The following APBB1IP variants were observed in gnomAD, a reference collection of about 807,000 sequenced individuals.
APBB1IP encodes the protein amyloid beta A4 precursor protein-binding family B member 1-interacting protein.
APBB1IP carries 27 observed loss-of-function variants against 64.9 expected under a neutral mutation model. The observed-to-expected ratio is 0.42, with a 90% CI of 0.31 to 0.57. The LOEUF (loss-of-function observed/expected upper bound fraction) is 0.57. Ranked by LOEUF, APBB1IP falls within the 20% of genes least tolerant of loss-of-function variation. The probability of loss-of-function intolerance (pLI) is 0.20; values close to 1 mark genes in which losing one functional copy is unlikely to be tolerated. For missense variants in APBB1IP, 812 were observed against 845.5 expected, an observed-to-expected ratio of 0.96 and a Z score of 0.49; for synonymous variants, 392 against 331.0, an observed-to-expected ratio of 1.18 and a Z score of -2.00.
At chr10:26,476,232 T>C (rs929178279) in intron 2 of APBB1IP, among the ~76,000 whole-genome samples, 2 of 151,848 alleles carry the variant, frequency 1.3e-5, no homozygotes, top group Non-Finnish European at 2.9e-5. Context: ...CTAATTTTTA[T>C]ATTTTTGGTA....
intron 11 of APBB1IP, among the ~76,000 whole-genome samples, chr10:26,547,175 T>G (rs1242592627): frequency 6.6e-6 from 1 of 152,242 alleles, no homozygotes; most frequent in Non-Finnish European, 1.5e-5. Flanking sequence ...TAAATTCCTA[T>G]TGGCCCTGTG....
intron 11 of APBB1IP, among the ~76,000 whole-genome samples, chr10:26,549,478 G>A (rs562673900): frequency 4.6e-5 from 7 of 152,130 alleles, no homozygotes; most frequent in Admixed American, 2.0e-4. Context: ...TTTTATTACA[G>A]CTTCAATTTC....
intron 2 of APBB1IP, among the ~76,000 whole-genome samples, chr10:26,439,761 G>GC (rs1835320268): frequency 6.6e-6 from 1 of 152,200 alleles, no homozygotes; most frequent in Admixed American, 6.5e-5. Flanking sequence ...AGTTTATTAT[G>GC]CCCCCAGATG....
intron 4 of APBB1IP, among the ~76,000 whole-genome samples, chr10:26,497,989 A>C (rs1564361303): frequency 6.6e-6 from 1 of 152,076 alleles, no homozygotes; most frequent in Non-Finnish European, 1.5e-5. Flanking sequence ...AGCCTCCCAA[A>C]GTGCTGGAAT....
chr10:26,534,822 A>G (rs1478187893), intron 9 of APBB1IP, among the ~76,000 whole-genome samples: 1 of 152,190 alleles, frequency 6.6e-6, no homozygotes, highest in African/African-American at 2.4e-5. Context: ...GTAAAAGAAA[A>G]TTCAAAGCAT....
At chr10:26,561,388 CTTTTTTT>C (rs34667769) in intron 13 of APBB1IP, among the ~76,000 whole-genome samples, 160 of 122,516 alleles carry the variant, frequency 1.3e-3, no homozygotes, top group Admixed American at 3.3e-3. Context: ...TTCTTCTTTG[CTTTTTTT>C]TTTTTTTTTT....
intron 2 of APBB1IP, among the ~76,000 whole-genome samples, chr10:26,470,731 T>C (rs941900699): frequency 6.6e-6 from 1 of 152,164 alleles, no homozygotes; most frequent in Non-Finnish European, 1.5e-5. Context: ...CCATTGTAAG[T>C]TGAGGAGCAT....
At chr10:26,513,450 C>T (rs559629130) in intron 7 of APBB1IP, 89 bp from the exon 8 acceptor site, 1 of 1,458,074 alleles carries the variant, frequency 6.9e-7, no homozygotes, top group African/African-American at 1.4e-5. Context: ...TGATGAAAGT[C>T]ATGAAGCATT....
At chr10:26,500,458 T>C (rs1430614280) in intron 4 of APBB1IP, among the ~76,000 whole-genome samples, 1 of 152,208 alleles carries the variant, frequency 6.6e-6, no homozygotes, top group Non-Finnish European at 1.5e-5. Context: ...CCTCTGCTAC[T>C]TTTCTAAAAC....
intron 2 of APBB1IP, among the ~76,000 whole-genome samples, chr10:26,477,986 G>A (rs1037803565): frequency 6.6e-6 from 1 of 152,232 alleles, no homozygotes; most frequent in African/African-American, 2.4e-5. Context: ...GTCACTCAGA[G>A]TCTATCATGT....
At chr10:26,503,431 C>T (rs1035183898) in intron 6 of APBB1IP, among the ~76,000 whole-genome samples, 157 bp downstream of exon 6, 3 of 152,054 alleles carry the variant, frequency 2.0e-5, no homozygotes, top group African/African-American at 7.2e-5. Context: ...GTCAGGAGAT[C>T]GAGACCATCC....
chr10:26,531,366 T>C (rs1473593255), intron 8 of APBB1IP, among the ~76,000 whole-genome samples: 1 of 151,416 alleles, frequency 6.6e-6, no homozygotes. Context: ...GCTTGACTTA[T>C]TTCCTCTATT....
chr10:26,557,716 A>T (rs1836911468), intron 11 of APBB1IP, among the ~76,000 whole-genome samples: 1 of 152,210 alleles, frequency 6.6e-6, no homozygotes, highest in African/African-American at 2.4e-5. Flanking sequence ...AAGCTCTTGG[A>T]GTCTATAAAG....
chr10:26,504,652 G>T (rs901539843), intron 6 of APBB1IP, among the ~76,000 whole-genome samples: 1 of 151,892 alleles, frequency 6.6e-6, no homozygotes, highest in African/African-American at 2.4e-5. Context: ...GGAGGTTGCC[G>T]TGAGCCAAGA....
rs1588584553 is a variant in APBB1IP at position 26,492,262 on chromosome 10, G to A, written c.1-65G>A. ...GGGCTCTTGGGGGAAAGAGAGGGAT[G>A]CAAAGAGTATCCTAGGATCAGGCTT... On this transcript the variant is annotated intron_variant, in intron 2 of 14. Coordinates refer to ENST00000376236, the MANE Select transcript of APBB1IP (RefSeq NM_019043.4). 3.5e-6 allele frequency: 5 copies of A among 1,435,322 alleles called. 1 individual carries two copies. The Admixed American group carries it at 8.7e-5, about 25-fold the overall frequency. The allele number at this position is 1,435,322 out of a possible 1,614,324, so 88.9% of individuals were successfully genotyped here.
At chr10:26,464,610 T>G (rs1424354936) in intron 2 of APBB1IP, among the ~76,000 whole-genome samples, 5 of 152,146 alleles carry the variant, frequency 3.3e-5, no homozygotes, top group African/African-American at 1.2e-4. Context: ...GTTCTTGTTG[T>G]GTTGCCCAGG....
At chr10:26,447,219 C>CA (rs11405231) in intron 2 of APBB1IP, among the ~76,000 whole-genome samples, 58,274 of 150,476 alleles carry the variant, frequency 0.39, 11,450 homozygotes, top group South Asian at 0.5. Context: ...TAAAAAAGTA[C>CA]AAAAAATTAG....
chr10:26,455,633 C>T (rs1026851466), intron 2 of APBB1IP, among the ~76,000 whole-genome samples: 14 of 152,080 alleles, frequency 9.2e-5, no homozygotes, highest in African/African-American at 2.9e-4. Flanking sequence ...ATACACTTCC[C>T]GAAGTTGAAT....
intron 2 of APBB1IP, among the ~76,000 whole-genome samples, chr10:26,478,711 C>T (rs1166469597): frequency 1.3e-5 from 2 of 151,674 alleles, no homozygotes; most frequent in African/African-American, 4.8e-5. Flanking sequence ...CTAAGAGCAC[C>T]AAGGGAGTGA....
Sources: allele counts gnomAD v4.1 joint callset (sites outside exome capture counted in the v4.1 genomes callset), GRCh38; gene constraint gnomAD v4.1.1; transcripts MANE v1.5; gene names NCBI Gene and HGNC (gene_info 2026-07-23, HGNC 2026-07-21).